The following NRXN3 variants were observed in gnomAD, a reference collection of about 807,000 sequenced individuals.
NRXN3 encodes neurexin III.
In NRXN3, 32 loss-of-function variants were observed where a neutral mutation model predicts 137.6. The observed-to-expected ratio is 0.23, with a 90% confidence interval of 0.18 to 0.31. The LOEUF (loss-of-function observed/expected upper bound fraction) is 0.31. Ranked by LOEUF, NRXN3 falls within the 10% of genes least tolerant of loss-of-function variation. The pLI is 1.00. For missense variants in NRXN3, 1,574 were observed against 2,062.5 expected (o/e 0.76, Z 4.59); for synonymous variants, 798 against 784.5 (o/e 1.02, Z -0.29).
chr14:79,510,238 C>T (rs2096919716), intron 16 of NRXN3, among the ~76,000 whole-genome samples: 3 of 152,104 alleles, frequency 2.0e-5, no homozygotes, highest in South Asian at 2.1e-4. Context: ...TCTCGGGATT[C>T]GTTGAATTTG....
chr14:78,647,060 A>G (rs2152592467), intron 5 of NRXN3, among the ~76,000 whole-genome samples: 1 of 152,264 alleles, frequency 6.6e-6, no homozygotes, highest in Non-Finnish European at 1.5e-5. Flanking sequence ...ATTCTCACCA[A>G]TTTGTTTCTC....
chr14:78,358,026 G>A (rs1358198603), intron 4 of NRXN3, among the ~76,000 whole-genome samples: 1 of 152,160 alleles, frequency 6.6e-6, no homozygotes, highest in Non-Finnish European at 1.5e-5. Flanking sequence ...CTCAAGTCAG[G>A]TGAGTTGAGG....
At chr14:79,234,332 ATATATAT>A (rs1568715215) in intron 15 of NRXN3, among the ~76,000 whole-genome samples, 6 of 101,806 alleles carry the variant, frequency 5.9e-5, no homozygotes, top group African/African-American at 2.2e-4. Context: ...ATATATATAT[ATATATAT>A]AATATTTATA....
intron 10 of NRXN3, among the ~76,000 whole-genome samples, chr14:78,830,677 G>T (rs971363327): frequency 6.6e-6 from 1 of 151,264 alleles, no homozygotes; most frequent in Non-Finnish European, 1.5e-5. Flanking sequence ...TAATAAAATA[G>T]TATTTAGGAG....
At chr14:79,274,924 C>T (rs1310301468) in intron 15 of NRXN3, among the ~76,000 whole-genome samples, 2 of 152,144 alleles carry the variant, frequency 1.3e-5, no homozygotes, top group Non-Finnish European at 1.5e-5. Flanking sequence ...CTAAACTATA[C>T]ATTTATACAA....
At chr14:79,067,291 A>T (rs773530775) in intron 15 of NRXN3, among the ~76,000 whole-genome samples, 1 of 152,214 alleles carries the variant, frequency 6.6e-6, no homozygotes, top group Non-Finnish European at 1.5e-5. Flanking sequence ...ATGTTGAACC[A>T]AACTTGCATC....
At chr14:78,788,912 A>G (rs184070444) in intron 8 of NRXN3, among the ~76,000 whole-genome samples, 21 of 152,260 alleles carry the variant, frequency 1.4e-4, no homozygotes, top group Admixed American at 1.2e-3. Context: ...CCAAGCTTAT[A>G]TGCTTACAGA....
At position 79,172,390 on chromosome 14, in the gene NRXN3, T is replaced by C. The variant is rs150277734; in HGVS notation, c.3262+184249T>C. Among the ~76,000 whole-genome samples, 189 of 152,270 alleles carry C rather than the reference T, an allele frequency of 1.2e-3. 2 individuals are homozygous for C. Among genetic ancestry groups the C allele is most frequent in the South Asian group, 5.8e-3 (28 of 4,820 alleles). ...ATCAGATTATTTTTATTTTTTGCCT[T>C]ATGGCATTTACCTTTAACAATTTTG... On this transcript the variant is annotated intron_variant, in intron 15 of 20. Coordinates refer to ENST00000335750, the MANE Select transcript of NRXN3 (RefSeq NM_001330195.2).
chr14:78,763,213 G>A (rs1325531836), intron 8 of NRXN3, among the ~76,000 whole-genome samples: 1 of 152,168 alleles, frequency 6.6e-6, no homozygotes, highest in African/African-American at 2.4e-5. Flanking sequence ...ACATGATTGG[G>A]AGCAAAATTC....
intron 15 of NRXN3, among the ~76,000 whole-genome samples, chr14:79,056,271 C>T (rs1171544739): frequency 3.9e-5 from 6 of 152,130 alleles, no homozygotes; most frequent in African/African-American, 1.4e-4. Context: ...TGTTCATTTA[C>T]TGAGGGCATA....
At chr14:79,739,983 C>T (rs2098955451) in intron 19 of NRXN3, among the ~76,000 whole-genome samples, 2 of 152,124 alleles carry the variant, frequency 1.3e-5, no homozygotes, top group Non-Finnish European at 2.9e-5. Context: ...TTTCCAGCTG[C>T]CCTCTGAATA....
chr14:79,255,911 A>G (rs1181430558), intron 15 of NRXN3, among the ~76,000 whole-genome samples: 2 of 152,190 alleles, frequency 1.3e-5, no homozygotes, highest in African/African-American at 4.8e-5. Flanking sequence ...AGTTTTGATC[A>G]TTGGGAATAT....
chr14:79,176,632 C>T (rs1411078225), intron 15 of NRXN3, among the ~76,000 whole-genome samples: 1 of 152,228 alleles, frequency 6.6e-6, no homozygotes, highest in Non-Finnish European at 1.5e-5. Context: ...TGTACTTATG[C>T]TACTTCTTTC....
chr14:79,052,523 G>A (rs2099643450), intron 15 of NRXN3, among the ~76,000 whole-genome samples: 1 of 152,194 alleles, frequency 6.6e-6, no homozygotes, highest in Non-Finnish European at 1.5e-5. Flanking sequence ...TTGTCCTGAT[G>A]GATTGAGACA....
At chr14:78,401,014 C>T (rs992134259) in intron 4 of NRXN3, among the ~76,000 whole-genome samples, 1 of 152,150 alleles carries the variant, frequency 6.6e-6, no homozygotes, top group Non-Finnish European at 1.5e-5. Flanking sequence ...CTGGTGAGGA[C>T]CCTGTTCCCT....
At chr14:78,318,488 AC>A (rs956933077) in intron 4 of NRXN3, among the ~76,000 whole-genome samples, 13 of 152,090 alleles carry the variant, frequency 8.5e-5, no homozygotes, top group African/African-American at 3.1e-4. Flanking sequence ...CTCAGTAAAT[AC>A]CTGTTTCTCA....
chr14:79,282,298 C>T (rs749439520), intron 15 of NRXN3, among the ~76,000 whole-genome samples: 14 of 152,166 alleles, frequency 9.2e-5, no homozygotes, highest in South Asian at 2.1e-4. Flanking sequence ...TAATTAAACA[C>T]GGAAATGCTC....
rs1301611925 is a variant in NRXN3, at chr14:79,861,695, C to G, written c.4447C>G (p.Pro1483Ala). 6.2e-7 allele frequency: 1 copy of G among 1,614,036 alleles called. No homozygotes were observed. The highest frequency in any genetic ancestry group is 8.5e-7 in the Non-Finnish European group (1 of 1,180,036). ...CACGGAGCCGGGAATCAGACGGGTT[C>G]CGGGGGCCTCAGAGGTGATCCGGGA... ...NPTEPGIRRVPGASEVIRESS... is the reference protein window; with the variant it reads ...NPTEPGIRRVAGASEVIRESS... The change falls in exon 21 of 21, where the codon CCG becomes GCG. Residue 1483 changes from proline (P) to alanine (A), a missense_variant. Physicochemically the swap from Pro to Ala is conservative, Grantham distance 27 (BLOSUM62 -1). Coordinates refer to ENST00000335750, the MANE Select transcript of NRXN3 (RefSeq NM_001330195.2). This position sits in a 1 kb window ranked among gnomAD's most constrained non-coding sequence, Gnocchi z 5.4.
chr14:79,155,380 G>A (rs910909591), intron 15 of NRXN3, among the ~76,000 whole-genome samples: 5 of 151,802 alleles, frequency 3.3e-5, no homozygotes, highest in African/African-American at 1.2e-4. Flanking sequence ...ATTCAAAGAT[G>A]AGTCATGAAA....
Sources: allele counts gnomAD v4.1 joint callset (sites outside exome capture counted in the v4.1 genomes callset), GRCh38; gene constraint gnomAD v4.1.1; non-coding constraint Gnocchi (gnomAD v3.1); transcripts MANE v1.5; gene names NCBI Gene and HGNC (gene_info 2026-07-23, HGNC 2026-07-21).